ARHGAP24: variants seen among roughly 807,000 people sequenced by gnomAD.
ARHGAP24 encodes Rho GTPase activating protein 24.
Under a neutral mutation model 76.4 loss-of-function variants are expected in ARHGAP24, and 50 were observed. That is an observed-to-expected ratio of 0.65 (90% CI 0.52 to 0.83). The LOEUF is 0.83. Among genes scored for constraint, ARHGAP24 ranks in the 40% least tolerant of loss-of-function variants. The pLI, the probability that ARHGAP24 is intolerant of heterozygous loss-of-function variation, is 0.00. For missense variants in ARHGAP24, 930 were observed against 914.2 expected (o/e 1.02, Z -0.22); for synonymous variants, 345 against 323.3 (o/e 1.07, Z -0.72).
intron 1 of ARHGAP24, among the ~76,000 whole-genome samples, chr4:85,530,717 C>G (rs968615139): frequency 6.6e-6 from 1 of 151,980 alleles, no homozygotes; most frequent in Non-Finnish European, 1.5e-5. Flanking sequence ...AGTGCAAGAG[C>G]AGAGCCAGGA....
At position 86,001,932 on chromosome 4, in the gene ARHGAP24, A is replaced by C. The variant is rs1157881126; in HGVS notation, c.*1210A>C. 1 of 152,358 alleles carries C rather than the reference A, an allele frequency of 6.6e-6. No individual in the cohort carries two copies. The highest frequency in any genetic ancestry group is 1.5e-5 in the Non-Finnish European group (1 of 68,146). 9.4% of individuals were successfully genotyped at this position (152,358 alleles called of 1,614,324 possible). A position where few individuals can be genotyped will look rare whatever the true frequency, so the allele number is the denominator to read the frequency against. On this transcript the variant is annotated 3_prime_UTR_variant, in exon 10 of 10. Transcript: ENST00000395184. ...ATTTTGACAGTATCACTTTCCTGTTAAAACATACAATAATTTTAAAAGGTG... is the reference window on the plus strand; with the variant it reads ...ATTTTGACAGTATCACTTTCCTGTTCAAACATACAATAATTTTAAAAGGTG...
At chr4:85,574,144 G>T (rs968112836) in intron 2 of ARHGAP24, among the ~76,000 whole-genome samples, 12 of 152,174 alleles carry the variant, frequency 7.9e-5, no homozygotes, top group Non-Finnish European at 1.5e-4. Flanking sequence ...TAAAACCCAT[G>T]AAATGTGTGT....
At chr4:85,688,005 G>C (rs1419197028) in intron 2 of ARHGAP24, among the ~76,000 whole-genome samples, 1 of 152,026 alleles carries the variant, frequency 6.6e-6, no homozygotes, top group Non-Finnish European at 1.5e-5. Context: ...TAGAGATGGG[G>C]TTTCACCATG....
chr4:85,736,461 C>T (rs776010124), intron 3 of ARHGAP24, among the ~76,000 whole-genome samples: 4 of 152,130 alleles, frequency 2.6e-5, no homozygotes, highest in Non-Finnish European at 5.9e-5. Context: ...TAATCAGAAA[C>T]CCTGAGTGCT....
intron 3 of ARHGAP24, among the ~76,000 whole-genome samples, chr4:85,770,975 G>A (rs942759062): frequency 6.6e-6 from 1 of 152,200 alleles, no homozygotes; most frequent in African/African-American, 2.4e-5. Context: ...TGAACACAAT[G>A]AAGAAATAAA....
chr4:85,697,022 G>A (rs1041623111), intron 2 of ARHGAP24, among the ~76,000 whole-genome samples: 3 of 152,138 alleles, frequency 2.0e-5, no homozygotes, highest in African/African-American at 4.8e-5. Context: ...TAATGAATGT[G>A]CCACAGTTGA....
At chr4:85,962,603 C>CA (rs914387080) in intron 5 of ARHGAP24, among the ~76,000 whole-genome samples, 13 of 151,970 alleles carry the variant, frequency 8.6e-5, no homozygotes, top group African/African-American at 3.1e-4. Context: ...GAAAATAGGT[C>CA]ACCTGAATTG....
intron 3 of ARHGAP24, among the ~76,000 whole-genome samples, chr4:85,849,262 G>A (rs2110159457): frequency 6.6e-6 from 1 of 150,462 alleles, no homozygotes; most frequent in Non-Finnish European, 1.5e-5. Context: ...TGTTGTTGGT[G>A]TATAAGAATG....
chr4:85,853,618 A>G (rs1731369520), intron 3 of ARHGAP24, among the ~76,000 whole-genome samples: 1 of 152,094 alleles, frequency 6.6e-6, no homozygotes, highest in Non-Finnish European at 1.5e-5. Context: ...GAACGGACCT[A>G]AATGAATAGT....
chr4:85,566,089 C>A (rs1726834542), intron 1 of ARHGAP24, among the ~76,000 whole-genome samples: 1 of 152,170 alleles, frequency 6.6e-6, no homozygotes, highest in Non-Finnish European at 1.5e-5. Context: ...AGGTTTTTGT[C>A]TTAAGATTGA....
intron 4 of ARHGAP24, among the ~76,000 whole-genome samples, chr4:85,938,267 G>T (rs1736767381): frequency 1.3e-5 from 2 of 152,124 alleles, no homozygotes; most frequent in African/African-American, 4.8e-5. Flanking sequence ...GAAATACTGG[G>T]GACGGTTTTG....
intron 3 of ARHGAP24, among the ~76,000 whole-genome samples, chr4:85,884,917 A>T (rs1242859690): frequency 6.6e-6 from 1 of 152,150 alleles, no homozygotes; most frequent in Non-Finnish European, 1.5e-5. Flanking sequence ...AATCTCTAAA[A>T]TGTGCCACCT....
intron 6 of ARHGAP24, 54 bp downstream of exon 6, chr4:85,972,222 G>A (rs1739030242): frequency 6.2e-7 from 1 of 1,605,070 alleles, no homozygotes. Flanking sequence ...TTTTTTCTGT[G>A]TTCTTAGTCT....
rs1011824469 is a variant in ARHGAP24, at chr4:85,567,137, T to TGGGAA, written c.-20-3383_-20-3379dup. Among the ~76,000 whole-genome samples the TGGGAA allele has an allele frequency of 5.9e-5, 9 of 152,118 alleles. 1 individual carries two copies. The highest frequency in any genetic ancestry group is 2.2e-4 in the African/African-American group (9 of 41,416). ...ACTCTGGATTTTGAAATAAGTACAG[T>TGGGAA]GGGAAGCCAACAACATTTTCAGATG... On this transcript the variant is annotated intron_variant, in intron 1 of 9. Coordinates refer to ENST00000395184, the MANE Select transcript of ARHGAP24 (RefSeq NM_001025616.3).
intron 1 of ARHGAP24, among the ~76,000 whole-genome samples, chr4:85,496,779 C>T (rs1723600807): frequency 6.6e-6 from 1 of 152,242 alleles, no homozygotes; most frequent in African/African-American, 2.4e-5. Flanking sequence ...CGGACACTAG[C>T]ACCCATACTT....
intron 2 of ARHGAP24, among the ~76,000 whole-genome samples, chr4:85,683,644 C>T (rs1446996005): frequency 6.9e-6 from 1 of 145,186 alleles, no homozygotes; most frequent in Non-Finnish European, 1.5e-5. Context: ...AACATGAGAT[C>T]TACCCTCTTA....
chr4:85,980,826 A>G (rs994875540), intron 8 of ARHGAP24, among the ~76,000 whole-genome samples: 2 of 152,146 alleles, frequency 1.3e-5, no homozygotes, highest in Non-Finnish European at 2.9e-5. Flanking sequence ...TTGCCCTTTC[A>G]CTGTGTTGAC....
intron 2 of ARHGAP24, among the ~76,000 whole-genome samples, chr4:85,709,617 T>C (rs1724447655): frequency 6.6e-6 from 1 of 152,088 alleles, no homozygotes; most frequent in Admixed American, 6.6e-5. Context: ...ATTTTATTAA[T>C]GACCCCTTGT....
At chr4:85,569,102 A>G (rs1424779572) in intron 1 of ARHGAP24, among the ~76,000 whole-genome samples, 2 of 152,246 alleles carry the variant, frequency 1.3e-5, no homozygotes, top group Non-Finnish European at 2.9e-5. Context: ...ATTTATAAGT[A>G]GAATTGTATA....
Sources: allele counts gnomAD v4.1 joint callset (sites outside exome capture counted in the v4.1 genomes callset), GRCh38; gene constraint gnomAD v4.1.1; transcripts MANE v1.5; gene names NCBI Gene and HGNC (gene_info 2026-07-23, HGNC 2026-07-21).